Variants in ZNF426 observed in about 807,000 individuals in gnomAD.
The protein encoded by ZNF426 is zinc finger protein 426.
Under a neutral mutation model 24.0 loss-of-function variants are expected in ZNF426, and 23 were observed. The observed-to-expected ratio is 0.96, with a 90% CI of 0.69 to 1.36. The LOEUF (loss-of-function observed/expected upper bound fraction) is 1.36. ZNF426 is among the 40% of genes most tolerant of loss of function. The pLI, the probability that ZNF426 is intolerant of heterozygous loss-of-function variation, is 0.00. For synonymous variants in ZNF426, 272 were observed against 224.6 expected (o/e 1.21, Z -1.89); for missense variants, 646 against 658.4 (o/e 0.98, Z 0.21).
At chr19:9,532,680 C>T (rs917277665) in intron 6 of ZNF426, among the ~76,000 whole-genome samples, 165 bp downstream of exon 6, 6 of 152,136 alleles carry the variant, frequency 3.9e-5, no homozygotes, top group Admixed American at 3.9e-4. Flanking sequence ...CAAGGGGGGA[C>T]TGCTCTGTAA....
chr19:9,529,042 G>T lies in ZNF426; in HGVS notation c.1003C>A (p.Pro335Thr). 6.2e-7 allele frequency: 1 copy of T among 1,613,630 alleles called. No homozygotes were observed. Among genetic ancestry groups the T allele is most frequent in the Non-Finnish European group, 8.5e-7 (1 of 1,179,810 alleles). The stretch of plus-strand genomic sequence containing the variant: ...TTCCCACATTCCTTACATACATAGG[G>T]TTTCTCTCCAGTGTGAGTTCTTCCA... ...IHGRTHTGEK[P>T]YVCKECGKAF... Residue 335 changes from proline to threonine, a missense_variant, in exon 8 of 8, where the codon CCC becomes ACC. Transcript: ENST00000253115.
chr19:9,537,024 G>C (rs747956326), intron 2 of ZNF426, among the ~76,000 whole-genome samples: 1 of 151,990 alleles, frequency 6.6e-6, no homozygotes, highest in Non-Finnish European at 1.5e-5. Context: ...CAGCTACTCA[G>C]GAGGCTGAGG....
At chr19:9,534,067 G>A (rs550913200) in intron 4 of ZNF426, 101 bp from the exon 5 acceptor site, 12 of 1,502,378 alleles carry the variant, frequency 8.0e-6, no homozygotes, top group East Asian at 4.6e-5. Context: ...AGGATTCCAA[G>A]GGCTGCAGTG....
chr19:9,527,613 T>C lies in ZNF426; in HGVS notation c.*767A>G, dbSNP rs1042460888. The C allele has an allele frequency of 1.3e-5, 2 of 152,290 alleles. No homozygotes were observed. The highest frequency in any genetic ancestry group is 4.8e-5 in the African/African-American group (2 of 41,466). 9.4% of individuals were successfully genotyped at this position (152,290 alleles called of 1,614,324 possible). ...AAGGCTCTCCCACGTCTTACATTCA[T>C]ATAGTTTCTCTCCAGTGTGGCTTTG... is the stretch of plus-strand genomic sequence containing the variant. On this transcript the variant is annotated 3_prime_UTR_variant, in exon 8 of 8. Transcript: ENST00000253115.
At position 9,528,829 on chromosome 19, in the gene ZNF426, T is replaced by C; in HGVS notation, c.1216A>G (p.Asn406Asp). The change falls in exon 8 of 8, where the codon AAT (asparagine) becomes GAT (aspartate). Residue 406 changes from asparagine to aspartate, a missense_variant. Asn to Asp is a conservative substitution (Grantham distance 23). Transcript: ENST00000253115. ...ECGKAFAVSS[N>D]LSGHLRTHTE... Reference sequence around the variant, plus strand: ...TGAGTTCTCAAATGTCCACTAAGATTTGAGGAAACTGCAAAGGCTTTCCCA... The same window carrying C: ...TGAGTTCTCAAATGTCCACTAAGATCTGAGGAAACTGCAAAGGCTTTCCCA... 6.2e-7 allele frequency: 1 copy of C among 1,613,798 alleles called. No homozygotes were observed. Among genetic ancestry groups the C allele is most frequent in the Non-Finnish European group, 8.5e-7 (1 of 1,179,912 alleles).
chr19:9,537,256 T>C (rs998158820), intron 2 of ZNF426, among the ~76,000 whole-genome samples: 10 of 152,066 alleles, frequency 6.6e-5, no homozygotes, highest in Admixed American at 6.6e-5. Flanking sequence ...CAGTTCATTA[T>C]CCATGAACCA....
Position 9,529,615 on chromosome 19 carries a change from C to G in ZNF426, c.430G>C (p.Glu144Gln). Residue 144 changes from glutamate to glutamine, a missense_variant, in exon 8 of 8, where the codon GAA (glutamate) becomes CAA (glutamine). Physicochemically the swap from Glu to Gln is conservative, Grantham distance 29. Coordinates refer to ENST00000253115, the MANE Select transcript of ZNF426 (RefSeq NM_024106.3). ...IQLEGKHNGR[E>Q]LCDCEQCGEV... ...CCACATTGCTCACAGTCACAGAGTT[C>G]CCTTCCATTGTGTTTTCCTTCCTGT... The G allele has an allele frequency of 6.3e-7, 1 of 1,594,350 alleles. No homozygotes were observed. Among genetic ancestry groups the G allele is most frequent in the Non-Finnish European group, 8.5e-7 (1 of 1,176,564 alleles).
At chr19:9,535,077 CAA>C (rs35638085) in intron 4 of ZNF426, 109 bp downstream of exon 4, 26,508 of 405,266 alleles carry the variant, frequency 0.065, no homozygotes, top group South Asian at 0.086. Context: ...GACTCCCTCT[CAA>C]AAAAAAAAAA....
chr19:9,528,362 T>C lies in ZNF426; in HGVS notation c.*18A>G. On this transcript the variant is annotated 3_prime_UTR_variant, in exon 8 of 8. Transcript: ENST00000253115. ...CAAATGAGAGCTTTCCCACATTTATTACATGGACAGTTTCTCACTAGTGAA... is the reference window on the plus strand; with the variant it reads ...CAAATGAGAGCTTTCCCACATTTATCACATGGACAGTTTCTCACTAGTGAA... 1 of 1,550,638 alleles carries C rather than the reference T, an allele frequency of 6.4e-7. No individual in the cohort carries two copies. The highest frequency in any genetic ancestry group is 8.7e-7 in the Non-Finnish European group (1 of 1,151,226).
In ZNF426 at chr19:9,528,400, T is replaced by C. The variant is rs754636732; in HGVS notation, c.1645A>G (p.Arg549Gly). Residue 549 changes from arginine to glycine, a missense_variant, in exon 8 of 8, where the codon AGA (arginine) becomes GGA (glycine). Arg to Gly is a moderately radical substitution (Grantham distance 125, BLOSUM62 -2). Coordinates refer to ENST00000253115, the MANE Select transcript of ZNF426 (RefSeq NM_024106.3). The stretch of plus-strand genomic sequence containing the variant: ...TCTCACTAGTGAATTTGTTCATGTC[T>C]TCGAAGTGAACGGGGATGACTGTAA... ...KAYSHPRSLR[R>G]HEQIH 1 of 1,583,510 alleles carries C rather than the reference T, an allele frequency of 6.3e-7. No individual in the cohort carries two copies. The highest frequency in any genetic ancestry group is 2.2e-5 in the East Asian group (1 of 44,636).
rs775158234 is a variant in ZNF426, at chr19:9,528,627, T to C, written c.1418A>G (p.Glu473Gly). 1.2e-6 allele frequency: 2 copies of C among 1,614,166 alleles called. No individual in the cohort carries two copies. Among genetic ancestry groups the C allele is most frequent in the Middle Eastern group, 1.6e-4 (1 of 6,062 alleles). ...ACATTGTTTACACTCATAGGGTTTT[T>C]CTCCAGTGTGGATTCGCATGTGAAT... ...LKIHMRIHTG[E>G]KPYECKQCGK... The change falls in exon 8 of 8, where the codon GAA (glutamate) becomes GGA (glycine). Residue 473 changes from glutamate (E) to glycine (G), a missense_variant. Physicochemically the swap from Glu to Gly is moderately conservative, Grantham distance 98. Coordinates refer to ENST00000253115, the MANE Select transcript of ZNF426 (RefSeq NM_024106.3).
chr19:9,531,148 GC>G, intron 6 of ZNF426, 81 bp from the exon 7 acceptor site: 1 of 1,139,232 alleles, frequency 8.8e-7, no homozygotes, highest in Non-Finnish European at 1.3e-6. Context: ...ACTTTGGGAG[GC>G]TAAGGCAGGT....
At position 9,533,942 on chromosome 19, in the gene ZNF426, C is replaced by T. The variant is rs2073926169; in HGVS notation, c.142G>A (p.Ala48Thr). Reference sequence around the variant, plus strand: ...CACTCCTCCTGGGTGAAGTCCACAGCCACATCGTCAAAGGTCACTGAATCC... The same window carrying T: ...CACTCCTCCTGGGTGAAGTCCACAGTCACATCGTCAAAGGTCACTGAATCC... ...YQDSVTFDDV[A>T]VDFTQEEWTL... Residue 48 changes from alanine (A) to threonine (T), a missense_variant, in exon 5 of 8, where the codon GCT becomes ACT. By Grantham distance (58) the Ala-to-Thr change is moderately conservative (BLOSUM62 0). Transcript: ENST00000253115. 3.1e-6 allele frequency: 5 copies of T among 1,613,918 alleles called. No homozygotes were observed. In the East Asian group the frequency reaches 8.9e-5, roughly 29 times the overall value.
intron 4 of ZNF426, 24 bp downstream of exon 4, chr19:9,535,164 T>C (rs969084784): frequency 1.3e-6 from 2 of 1,590,666 alleles, no homozygotes; most frequent in South Asian, 1.1e-5. Context: ...TGTCACTATG[T>C]ATAAGAATAC....
At chr19:9,533,384 A>T (rs898954066) in intron 5 of ZNF426, among the ~76,000 whole-genome samples, 2 of 152,212 alleles carry the variant, frequency 1.3e-5, no homozygotes, top group African/African-American at 2.4e-5. Context: ...TGAACCCAGG[A>T]GGCAGAGATT....
At chr19:9,534,263 T>A (rs2073931971) in intron 4 of ZNF426, among the ~76,000 whole-genome samples, 1 of 152,272 alleles carries the variant, frequency 6.6e-6, no homozygotes, top group East Asian at 1.9e-4. Flanking sequence ...TGGAGTGCAC[T>A]GGTGCAATCT....
rs1433222008 is a variant in ZNF426, at chr19:9,525,049, AC to A, written c.*3330del. The A allele has an allele frequency of 6.6e-6, 1 of 151,570 alleles. No individual in the cohort carries two copies. The highest frequency in any genetic ancestry group is 1.5e-5 in the Non-Finnish European group (1 of 67,842). The allele number at this position is 151,570 out of a possible 1,614,324, so 9.4% of individuals were successfully genotyped here. ...CGGATCACGAGGTCAGGAGATCGAGACCATCCTGGCTAACACAGTGAAACCC... is the reference window on the plus strand; with the variant it reads ...CGGATCACGAGGTCAGGAGATCGAGACATCCTGGCTAACACAGTGAAACCC... On this transcript the variant is annotated 3_prime_UTR_variant, in exon 8 of 8. Coordinates refer to ENST00000253115, the MANE Select transcript of ZNF426 (RefSeq NM_024106.3).
In ZNF426 at chr19:9,529,614, T is replaced by A. The variant is rs1226801046; in HGVS notation, c.431A>T (p.Glu144Val). 1 of 1,593,910 alleles carries A rather than the reference T, an allele frequency of 6.3e-7. No individual in the cohort carries two copies. Among genetic ancestry groups the A allele is most frequent in the Admixed American group, 1.8e-5 (1 of 57,048 alleles). ...IQLEGKHNGR[E>V]LCDCEQCGEV... The stretch of plus-strand genomic sequence containing the variant: ...TCCACATTGCTCACAGTCACAGAGT[T>A]CCCTTCCATTGTGTTTTCCTTCCTG... The change falls in exon 8 of 8, where the codon GAA becomes GTA. Residue 144 changes from glutamate (E) to valine (V), a missense_variant. Coordinates refer to ENST00000253115, the MANE Select transcript of ZNF426 (RefSeq NM_024106.3).
rs1371456194 is a variant in ZNF426, at chr19:9,527,644, G to C, written c.*736C>G. ...TTCTCTCCAGTGTGGCTTTGCATGT[G>C]AATATTAAGGCTTTTGGACAATCTA... On this transcript the variant is annotated 3_prime_UTR_variant, in exon 8 of 8. Transcript: ENST00000253115. 1 of 152,202 alleles carries C rather than the reference G, an allele frequency of 6.6e-6. No individual in the cohort carries two copies. Among genetic ancestry groups the C allele is most frequent in the African/African-American group, 2.4e-5 (1 of 41,438 alleles). The allele number at this position is 152,202 out of a possible 1,614,324, so 9.4% of individuals were successfully genotyped here. A position where few individuals can be genotyped will look rare whatever the true frequency, so the allele number is the denominator to read the frequency against.
Sources: allele counts gnomAD v4.1 joint callset (sites outside exome capture counted in the v4.1 genomes callset), GRCh38; gene constraint gnomAD v4.1.1; transcripts MANE v1.5; gene names NCBI Gene and HGNC (gene_info 2026-07-23, HGNC 2026-07-21).